NF1: variants seen among roughly 807,000 people sequenced by gnomAD.
The protein encoded by NF1 is neurofibromin.
Under a neutral mutation model 325.7 loss-of-function variants are expected in NF1, and 122 were observed. The ratio of observed to expected loss-of-function variants is 0.37; its 90% confidence interval spans 0.32 to 0.44. The LOEUF (loss-of-function observed/expected upper bound fraction) is 0.44, where lower values mean the gene tolerates loss of function less well. Among genes scored for constraint, NF1 ranks in the 20% least tolerant of loss-of-function variants. The pLI is 1.00. For missense variants in NF1, 2,140 were observed against 3,415.4 expected (o/e 0.63, Z 9.31); for synonymous variants, 1,091 against 1,186.0 (o/e 0.92, Z 1.65).
chr17:31,358,515 TATC>T lies in NF1; in HGVS notation c.8009_8011del (p.Ser2670del). Reference sequence around the variant, plus strand: ...TTGGACTCTAAGATCAACACCCTGTTATCATTGTGCCAAGATCCAAATTTGTTA... The same window carrying T: ...TTGGACTCTAAGATCAACACCCTGTTATTGTGCCAAGATCCAAATTTGTTA... On this transcript the variant is annotated inframe_deletion, in exon 55 of 58. Transcript: ENST00000358273. The T allele has an allele frequency of 6.2e-7, 1 of 1,614,052 alleles. No individual in the cohort carries two copies. The highest frequency in any genetic ancestry group is 8.5e-7 in the Non-Finnish European group (1 of 1,179,948).
At chr17:31,225,359 CT>C in intron 17 of NF1, 109 bp downstream of exon 17, 1 of 1,230,604 alleles carries the variant, frequency 8.1e-7, no homozygotes, top group Non-Finnish European at 1.2e-6. Flanking sequence ...TGAAAAACTG[CT>C]TAGAATCTAG....
chr17:31,267,159 G>C (rs1400110134), intron 36 of NF1, among the ~76,000 whole-genome samples: 1 of 152,094 alleles, frequency 6.6e-6, no homozygotes, highest in Admixed American at 6.5e-5. Context: ...TTGAACTCCT[G>C]ACCTCAGGTG....
chr17:31,148,128 AT>A, intron 1 of NF1, among the ~76,000 whole-genome samples: 1 of 152,214 alleles, frequency 6.6e-6, no homozygotes, highest in Admixed American at 6.5e-5. Context: ...CAAACAGGTG[AT>A]TTTTATATTT....
At chr17:31,342,875 G>A (rs759192468) in intron 47 of NF1, 134 bp from the exon 48 acceptor site, 32 of 1,121,296 alleles carry the variant, frequency 2.9e-5, no homozygotes, top group Admixed American at 7.5e-5. Context: ...GTTTTCTGCA[G>A]TCAACTGAAA....
chr17:31,157,845 A>G (rs1208044837), intron 2 of NF1, among the ~76,000 whole-genome samples: 1 of 150,676 alleles, frequency 6.6e-6, no homozygotes, highest in East Asian at 1.9e-4. Context: ...ATGTGCCTGT[A>G]GTCCCAGCTA....
At chr17:31,194,406 G>A (rs895559477) in intron 8 of NF1, among the ~76,000 whole-genome samples, 4 of 152,028 alleles carry the variant, frequency 2.6e-5, no homozygotes, top group African/African-American at 9.7e-5. Context: ...GGGAGGGTAG[G>A]GAACGATTTG....
chr17:31,267,265 C>G (rs1336470099), intron 36 of NF1, among the ~76,000 whole-genome samples: 1 of 152,050 alleles, frequency 6.6e-6, no homozygotes, highest in Non-Finnish European at 1.5e-5. Flanking sequence ...TTTATTTTTC[C>G]AAATCTGTTG....
Position 31,252,932 on chromosome 17 carries a change from C to T in NF1, c.4111-6C>T, listed in dbSNP as rs1481561333. 1 of 1,613,062 alleles carries T rather than the reference C, an allele frequency of 6.2e-7. No individual in the cohort carries two copies. Among genetic ancestry groups the T allele is most frequent in the African/African-American group, 1.3e-5 (1 of 74,968 alleles). Reference sequence around the variant, plus strand: ...TGACTTGTTTGTGCTCATCTCTGTTCTGTAGGCAACTTGCCACTCCCTACT... The same window carrying T: ...TGACTTGTTTGTGCTCATCTCTGTTTTGTAGGCAACTTGCCACTCCCTACT... On this transcript the variant is annotated splice_region_variant and splice_polypyrimidine_tract_variant and intron_variant, in intron 30 of 57. Transcript: ENST00000358273.
At position 31,108,118 on chromosome 17, in the gene NF1, G is replaced by A. The variant is rs1597567709; in HGVS notation, c.60+12749G>A. Among the ~76,000 whole-genome samples, 8 of 150,540 alleles carry A rather than the reference G, an allele frequency of 5.3e-5. 1 individual carries two copies. Among genetic ancestry groups the A allele is most frequent in the Admixed American group, 4.6e-4 (7 of 15,068 alleles). On this transcript the variant is annotated intron_variant, in intron 1 of 57. Transcript: ENST00000358273. ...ACTACACTCCAGCATGGGTGACAGA[G>A]TGAAACTCTGTTAAAAAAAAAAAAA...
chr17:31,159,255 A>G (rs1195420569), intron 3 of NF1, among the ~76,000 whole-genome samples, 162 bp downstream of exon 3: 2 of 152,166 alleles, frequency 1.3e-5, no homozygotes, highest in South Asian at 2.1e-4. Flanking sequence ...GTGACAGACA[A>G]TTTTTCATGA....
At chr17:31,275,478 ACTT>A (rs1181560877) in intron 36 of NF1, among the ~76,000 whole-genome samples, 4 of 152,180 alleles carry the variant, frequency 2.6e-5, no homozygotes, top group Non-Finnish European at 5.9e-5. Flanking sequence ...TATTGCTATA[ACTT>A]CTATTTTATT....
intron 8 of NF1, 185 bp downstream of exon 8, chr17:31,182,850 G>A (rs2066162868): frequency 4.8e-6 from 3 of 629,392 alleles, no homozygotes; most frequent in Admixed American, 5.7e-5. Context: ...TTATTTGGCA[G>A]AGGGAAAATA....
At chr17:31,280,207 TTA>T (rs1209520496) in intron 36 of NF1, among the ~76,000 whole-genome samples, 1 of 151,212 alleles carries the variant, frequency 6.6e-6, no homozygotes, top group Admixed American at 6.6e-5. Flanking sequence ...AAGTTTTTTT[TTA>T]ATTTTTTTTT....
intron 9 of NF1, 152 bp from the exon 10 acceptor site, chr17:31,200,885 C>T (rs1246484420): frequency 3.0e-5 from 33 of 1,091,426 alleles, no homozygotes; most frequent in African/African-American, 4.7e-5. Flanking sequence ...TTGTATCAGA[C>T]TGATGAACCA....
Position 31,230,942 on chromosome 17 carries a change from C to T in NF1, c.3197+17C>T, listed in dbSNP as rs751894967. On this transcript the variant is annotated intron_variant, in intron 24 of 57. Coordinates refer to ENST00000358273, the MANE Select transcript of NF1 (RefSeq NM_001042492.3). ...TCTTACAAGGTAAAAAAAGAATGAC[C>T]TTCAAGTATTAGTGGGTTTTACTGT... 3.1e-6 allele frequency: 5 copies of T among 1,588,774 alleles called. No homozygotes were observed. The highest frequency in any genetic ancestry group is 4.3e-6 in the Non-Finnish European group (5 of 1,160,876).
rs17882958 is a variant in NF1, at chr17:31,222,209, G to A, written c.1721+280G>A. Reference sequence around the variant, plus strand: ...TATATTACTTTTTTCAGATTTCAATGTGGTTACTACTGTATTTTTAATAGA... The same window carrying A: ...TATATTACTTTTTTCAGATTTCAATATGGTTACTACTGTATTTTTAATAGA... On this transcript the variant is annotated intron_variant, in intron 15 of 57. Coordinates refer to ENST00000358273, the MANE Select transcript of NF1 (RefSeq NM_001042492.3). 3.3e-4 allele frequency: 377 copies of A among 1,130,730 alleles called. 1 individual carries two copies. In the African/African-American group the frequency reaches 5.6e-3, roughly 17 times the overall value. The allele number at this position is 1,130,730 out of a possible 1,614,324, so 70.0% of individuals were successfully genotyped here.
At chr17:31,209,736 C>T (rs73273589) in intron 12 of NF1, among the ~76,000 whole-genome samples, 2,454 of 152,270 alleles carry the variant, frequency 0.016, 84 homozygotes, top group African/African-American at 0.056. Flanking sequence ...TCACTCCAAC[C>T]TCTACCTTCC....
At chr17:31,276,076 G>A (rs1452989115) in intron 36 of NF1, among the ~76,000 whole-genome samples, 1 of 151,970 alleles carries the variant, frequency 6.6e-6, no homozygotes. Context: ...AGGCTTGGTG[G>A]TATGCGCCTG....
chr17:31,221,765 TATAAA>T, intron 14 of NF1, 80 bp from the exon 15 acceptor site: 1 of 905,530 alleles, frequency 1.1e-6, no homozygotes, highest in Non-Finnish European at 1.8e-6. Context: ...TCTTAGCATT[TATAAA>T]ATAAGTACTC....
Sources: gnomAD v4.1 joint callset for allele counts (sites outside exome capture counted in the v4.1 genomes callset) on GRCh38, gnomAD v4.1.1 for gene constraint, MANE v1.5 for transcripts, NCBI Gene and HGNC (gene_info 2026-07-23, HGNC 2026-07-21) for gene names.